UGGT1: variants seen among roughly 807,000 people sequenced by gnomAD.
UGGT1 encodes the protein UDP-glucose glycoprotein glucosyltransferase 1, also known as UDP-glucose:glycoprotein glucosyltransferase 1.
UGGT1 carries 107 observed loss-of-function variants against 203.9 expected under a neutral mutation model. The observed-to-expected ratio is 0.52, with a 90% CI of 0.45 to 0.62. UGGT1 has a LOEUF of 0.62. UGGT1 is among the 20% of genes least tolerant of loss of function. UGGT1 has a pLI of 0.00. For missense variants in UGGT1, 1,673 were observed against 1,867.2 expected, an observed-to-expected ratio of 0.90 and a Z score of 1.92; for synonymous variants, 628 against 653.5, an observed-to-expected ratio of 0.96 and a Z score of 0.59.
intron 8 of UGGT1, among the ~76,000 whole-genome samples, chr2:128,118,184 T>A (rs1421983988): frequency 2.0e-5 from 3 of 152,228 alleles, no homozygotes; most frequent in Non-Finnish European, 4.4e-5. Context: ...TATATACATT[T>A]CTTCTCGTTT....
Position 128,182,284 on chromosome 2 carries a change from A to G in UGGT1, c.4238A>G (p.His1413Arg), listed in dbSNP as rs758191913. The G allele has an allele frequency of 1.2e-6, 2 of 1,612,672 alleles. No individual in the cohort carries two copies. Among genetic ancestry groups the G allele is most frequent in the Middle Eastern group, 1.7e-4 (1 of 6,058 alleles). ...WASHLAGRKY[H>R]ISALYVVDLK... ...AGTCATTTAGCCGGGCGAAAGTATC[A>G]TATCAGGTACTGAAAAGAAGCACTC... is the stretch of plus-strand genomic sequence containing the variant. The change falls in exon 37 of 41, where the codon CAT becomes CGT. Residue 1413 changes from histidine to arginine, a missense_variant. Around this residue, in one of 4 missense-constraint regions of UGGT1, gnomAD observed 513 missense variants for 684.1 expected, o/e 0.75. Coordinates refer to ENST00000259253, the MANE Select transcript of UGGT1 (RefSeq NM_020120.4).
intron 3 of UGGT1, 148 bp downstream of exon 3, chr2:128,104,162 C>CT: frequency 1.8e-6 from 1 of 557,302 alleles, no homozygotes; most frequent in South Asian, 3.5e-5. Context: ...CAGGAAGAGC[C>CT]AACACAACAC....
chr2:128,121,649 TG>T (rs1688388436), intron 10 of UGGT1, among the ~76,000 whole-genome samples: 1 of 152,010 alleles, frequency 6.6e-6, no homozygotes, highest in Admixed American at 6.6e-5. Context: ...TCAAGTGATC[TG>T]CCCGCCTTGG....
intron 35 of UGGT1, among the ~76,000 whole-genome samples, chr2:128,180,395 C>T (rs1691631634): frequency 6.6e-6 from 1 of 152,098 alleles, no homozygotes; most frequent in Admixed American, 6.5e-5. Context: ...ATTCAATAAC[C>T]ATTCTCCTTG....
chr2:128,091,481 G>T, intron 1 of UGGT1, 66 bp downstream of exon 1: 3 of 1,532,088 alleles, frequency 2.0e-6, no homozygotes, highest in South Asian at 2.4e-5. Context: ...AGGCGACCCT[G>T]TGCCCCTGTC....
chr2:128,174,211 G>A (rs1691257405), intron 30 of UGGT1, among the ~76,000 whole-genome samples: 1 of 152,054 alleles, frequency 6.6e-6, no homozygotes. Flanking sequence ...CTTTTCTTTG[G>A]AAGTGCAACA....
chr2:128,143,440 T>C (rs1394149940), intron 17 of UGGT1, among the ~76,000 whole-genome samples: 2 of 152,228 alleles, frequency 1.3e-5, no homozygotes, highest in African/African-American at 4.8e-5. Flanking sequence ...TTATTAACTT[T>C]TAATGGAACT....
rs146936997 is a variant in UGGT1 at position 128,121,237 on chromosome 2, C to T, written c.1012C>T (p.Pro338Ser). Residue 338 changes from proline (P) to serine (S), a missense_variant, in exon 10 of 41, where the codon CCT becomes TCT. Coordinates refer to ENST00000259253, the MANE Select transcript of UGGT1 (RefSeq NM_020120.4). ...GACTGCTGCTCGAATCTTGGCTTCT[C>T]CTGTTGAGTTGGCTTTGGTTGTCAT... ...FQTAARILAS[P>S]VELALVVMKD... 1.9e-5 allele frequency: 31 copies of T among 1,613,694 alleles called. No homozygotes were observed. The African/African-American group carries it at 3.5e-4, about 18-fold the overall frequency.
intron 1 of UGGT1, among the ~76,000 whole-genome samples, chr2:128,093,789 A>G (rs1686978880): frequency 6.6e-6 from 1 of 152,196 alleles, no homozygotes; most frequent in African/African-American, 2.4e-5. Context: ...GGTACTCAGC[A>G]TCTTCGAGCT....
chr2:128,100,167 G>C (rs1398247426), intron 2 of UGGT1, among the ~76,000 whole-genome samples: 1 of 151,216 alleles, frequency 6.6e-6, no homozygotes, highest in Non-Finnish European at 1.5e-5. Context: ...CTCCCAAGTA[G>C]CTGGGATTAC....
At chr2:128,115,062 C>T in intron 6 of UGGT1, 62 bp from the exon 7 acceptor site, 1 of 1,454,010 alleles carries the variant, frequency 6.9e-7, no homozygotes, top group East Asian at 2.3e-5. Flanking sequence ...ATGGTCATGC[C>T]ATGTACACTG....
chr2:128,186,575 C>A, intron 38 of UGGT1, 108 bp from the exon 39 acceptor site: 3 of 867,460 alleles, frequency 3.5e-6, no homozygotes, highest in Non-Finnish European at 5.1e-6. Context: ...CTACTGCACT[C>A]CAACCTGGGT....
intron 34 of UGGT1, among the ~76,000 whole-genome samples, chr2:128,179,149 C>T (rs1691558402): frequency 6.6e-6 from 1 of 151,576 alleles, no homozygotes; most frequent in East Asian, 1.9e-4. Context: ...GCTCTGTTCA[C>T]TCTTAATTTT....
intron 16 of UGGT1, among the ~76,000 whole-genome samples, chr2:128,140,790 C>T (rs1181037615): frequency 1.3e-5 from 2 of 152,122 alleles, no homozygotes; most frequent in Non-Finnish European, 1.5e-5. Flanking sequence ...GATCCTCCTG[C>T]CTCAGCTTCC....
intron 8 of UGGT1, among the ~76,000 whole-genome samples, chr2:128,118,335 G>A (rs541555942): frequency 6.6e-6 from 1 of 152,160 alleles, no homozygotes; most frequent in Non-Finnish European, 1.5e-5. Flanking sequence ...GCACAATCAC[G>A]GCTCACTGCA....
intron 2 of UGGT1, 76 bp from the exon 3 acceptor site, chr2:128,103,855 AT>A: frequency 1.9e-6 from 2 of 1,073,030 alleles, no homozygotes. Flanking sequence ...TTCAAAACTT[AT>A]TTTTACTCTC....
chr2:128,101,896 C>T (rs573455372), intron 2 of UGGT1, among the ~76,000 whole-genome samples: 1 of 152,272 alleles, frequency 6.6e-6, no homozygotes, highest in Admixed American at 6.5e-5. Flanking sequence ...TTTGTACTAT[C>T]TTGTGGGCAT....
rs759522119 is a variant in UGGT1, at chr2:128,143,178, G to A, written c.1804G>A (p.Val602Met). ...GGAGAAGAAATATCCGTATGTAGAA[G>A]TGAATAGCATTTTGGGGATTGATTC... The part of the protein sequence containing the change: ...VLEKKYPYVE[V>M]NSILGIDSAY... The change falls in exon 17 of 41, where the codon GTG becomes ATG. Residue 602 changes from valine to methionine, a missense_variant. Val to Met is a conservative substitution (Grantham distance 21, BLOSUM62 1). Transcript: ENST00000259253. 2 of 1,613,752 alleles carry A rather than the reference G, an allele frequency of 1.2e-6. No homozygotes were observed. Among genetic ancestry groups the A allele is most frequent in the South Asian group, 1.1e-5 (1 of 90,958 alleles).
At chr2:128,109,183 T>C (rs1056487881) in intron 4 of UGGT1, among the ~76,000 whole-genome samples, 2 of 151,604 alleles carry the variant, frequency 1.3e-5, no homozygotes, top group African/African-American at 4.8e-5. Context: ...TGAGCCACTG[T>C]GGCTGGCCTG....
Sources: allele counts gnomAD v4.1 joint callset (sites outside exome capture counted in the v4.1 genomes callset), GRCh38; gene constraint gnomAD v4.1.1; regional missense constraint gnomAD v4.1.1; transcripts MANE v1.5; gene names NCBI Gene and HGNC (gene_info 2026-07-23, HGNC 2026-07-21).